Variants in ITGAV observed in about 807,000 individuals in gnomAD.
The protein encoded by ITGAV is integrin subunit alpha V.
In ITGAV, 76 loss-of-function variants were observed where a neutral mutation model predicts 143.8. The observed-to-expected ratio is 0.53, with a 90% CI of 0.44 to 0.64. The LOEUF (loss-of-function observed/expected upper bound fraction) is 0.64, where lower values mean the gene tolerates loss of function less well. Among genes scored for constraint, ITGAV ranks in the 30% least tolerant of loss-of-function variants. ITGAV has a pLI of 0.00. For missense variants in ITGAV, 1,193 were observed against 1,274.7 expected (o/e 0.94, Z 0.98); for synonymous variants, 453 against 446.7 (o/e 1.01, Z -0.18).
At chr2:186,616,521 G>A (rs919124571) in intron 2 of ITGAV, among the ~76,000 whole-genome samples, 4 of 151,592 alleles carry the variant, frequency 2.6e-5, no homozygotes, top group Admixed American at 1.3e-4. Flanking sequence ...CTCGTGATCC[G>A]CCCGCCTCGG....
chr2:186,656,161 G>C (rs1688576654), intron 16 of ITGAV, 86 bp from the exon 17 acceptor site: 4 of 942,678 alleles, frequency 4.2e-6, no homozygotes. Flanking sequence ...AAGGAATAAA[G>C]ATCTCTGTTT....
At chr2:186,662,657 GT>G (rs1486894848) in intron 18 of ITGAV, among the ~76,000 whole-genome samples, 2 of 152,178 alleles carry the variant, frequency 1.3e-5, no homozygotes, top group Non-Finnish European at 2.9e-5. Context: ...GAATTTAGAT[GT>G]GCTAAAAGTA....
chr2:186,601,950 C>T lies in ITGAV; in HGVS notation c.186-71C>T, dbSNP rs377189689. The T allele has an allele frequency of 2.9e-5, 41 of 1,424,306 alleles. No homozygotes were observed. In the East Asian group the frequency reaches 7.8e-4, roughly 27 times the overall value. The allele number at this position is 1,424,306 out of a possible 1,614,324, so 88.2% of individuals were successfully genotyped here. A position where few individuals can be genotyped will look rare whatever the true frequency, so the allele number is the denominator to read the frequency against. On this transcript the variant is annotated intron_variant, in intron 1 of 29. Transcript: ENST00000261023. ...AGATAATATCAAGAGAATGATTGCT[C>T]CTCATAAATCAGAAGATATTGCTTA...
At position 186,663,531 on chromosome 2, in the gene ITGAV, G is replaced by A. The variant is rs559185527; in HGVS notation, c.1858-237G>A. 2.6e-5 allele frequency among the ~76,000 whole-genome samples: 4 copies of A among 152,294 alleles called. No individual in the cohort carries two copies. In the South Asian group the frequency reaches 6.2e-4, roughly 24 times the overall value. ...TAAAACTGAAAGGTTCCAAGGAACT[G>A]TATCATATCCTATGAATCTTTTTCT... On this transcript the variant is annotated intron_variant, in intron 18 of 29. Transcript: ENST00000261023.
At chr2:186,630,735 C>A in intron 4 of ITGAV, 62 bp from the exon 5 acceptor site, 1 of 885,968 alleles carries the variant, frequency 1.1e-6, no homozygotes, top group Non-Finnish European at 1.8e-6. Flanking sequence ...CAGATTTTCT[C>A]ATGTTTTGTT....
At chr2:186,660,226 T>G (rs1463815149) in intron 18 of ITGAV, among the ~76,000 whole-genome samples, 1 of 152,154 alleles carries the variant, frequency 6.6e-6, no homozygotes, top group African/African-American at 2.4e-5. Context: ...AAACTCCCCA[T>G]CCAATTTCTT....
chr2:186,667,661 C>T lies in ITGAV; in HGVS notation c.2328-10C>T, dbSNP rs201780745. On this transcript the variant is annotated splice_polypyrimidine_tract_variant and intron_variant, in intron 23 of 29. Coordinates refer to ENST00000261023, the MANE Select transcript of ITGAV (RefSeq NM_002210.5). ...ATATTCATGGTAGGTTTTCTTTGGT[C>T]ATTGTTTAGAGTCTCGAGTCCTGAT... 2 of 1,512,290 alleles carry T rather than the reference C, an allele frequency of 1.3e-6. No homozygotes were observed. Among genetic ancestry groups the T allele is most frequent in the Non-Finnish European group, 1.8e-6 (2 of 1,092,600 alleles). 93.7% of individuals were successfully genotyped at this position (1,512,290 alleles called of 1,614,324 possible). A position where few individuals can be genotyped will look rare whatever the true frequency, so the allele number is the denominator to read the frequency against.
chr2:186,651,687 T>C (rs991164841), intron 14 of ITGAV, among the ~76,000 whole-genome samples: 2 of 152,152 alleles, frequency 1.3e-5, no homozygotes, highest in African/African-American at 4.8e-5. Context: ...TCACAACTTA[T>C]TTAGCCATTC....
At chr2:186,619,954 T>A (rs1341747912) in intron 2 of ITGAV, among the ~76,000 whole-genome samples, 1 of 151,834 alleles carries the variant, frequency 6.6e-6, no homozygotes, top group African/African-American at 2.4e-5. Context: ...ATCGCGCCAC[T>A]GTACTCCAGC....
In ITGAV at chr2:186,649,891, C is replaced by T; in HGVS notation, c.1397+6C>T. The T allele has an allele frequency of 7.0e-7, 1 of 1,424,404 alleles. No individual in the cohort carries two copies. Among genetic ancestry groups the T allele is most frequent in the South Asian group, 1.5e-5 (1 of 66,606 alleles). 88.2% of individuals were successfully genotyped at this position (1,424,404 alleles called of 1,614,324 possible). A position where few individuals can be genotyped will look rare whatever the true frequency, so the allele number is the denominator to read the frequency against. ...GATCGAGCTATCTTATACAGGTGAG[C>T]ATTTTCTGTATCCTGCGGTATAGGA... On this transcript the variant is annotated splice_donor_region_variant and intron_variant, in intron 14 of 29. Transcript: ENST00000261023.
chr2:186,663,217 C>T (rs757146360), intron 18 of ITGAV, among the ~76,000 whole-genome samples: 1 of 152,078 alleles, frequency 6.6e-6, no homozygotes, highest in African/African-American at 2.4e-5. Flanking sequence ...TCCAAATGAC[C>T]ATGCAATGCT....
chr2:186,655,558 C>T (rs1688558707), intron 16 of ITGAV, among the ~76,000 whole-genome samples: 1 of 152,168 alleles, frequency 6.6e-6, no homozygotes, highest in Non-Finnish European at 1.5e-5. Flanking sequence ...CGGGTATTCA[C>T]CCAAATTTGA....
chr2:186,651,247 CA>C (rs1688420292), intron 14 of ITGAV, among the ~76,000 whole-genome samples: 1 of 152,186 alleles, frequency 6.6e-6, no homozygotes, highest in South Asian at 2.1e-4. Flanking sequence ...TGTAGCTATA[CA>C]ATACTTAACA....
At chr2:186,632,518 A>C (rs146011662) in intron 5 of ITGAV, among the ~76,000 whole-genome samples, 30 of 152,312 alleles carry the variant, frequency 2.0e-4, no homozygotes, top group African/African-American at 7.2e-4. Context: ...CTCCAGCAAG[A>C]AGAGATTTCT....
intron 2 of ITGAV, among the ~76,000 whole-genome samples, chr2:186,612,605 A>G (rs183201243): frequency 6.6e-6 from 1 of 152,236 alleles, no homozygotes; most frequent in African/African-American, 2.4e-5. Flanking sequence ...GCTGTGGAGT[A>G]TTTTCTGGGT....
At chr2:186,644,093 A>G (rs1217066493) in intron 12 of ITGAV, among the ~76,000 whole-genome samples, 1 of 151,868 alleles carries the variant, frequency 6.6e-6, no homozygotes, top group Admixed American at 6.6e-5. Context: ...ACCAATGTGC[A>G]CCTCTGTGCA....
At chr2:186,629,895 C>T (rs1195288476) in intron 4 of ITGAV, among the ~76,000 whole-genome samples, 1 of 152,034 alleles carries the variant, frequency 6.6e-6, no homozygotes, top group African/African-American at 2.4e-5. Context: ...GTTCTAGGTA[C>T]TGTATTGCTC....
At chr2:186,613,970 G>A (rs1239950206) in intron 2 of ITGAV, among the ~76,000 whole-genome samples, 2 of 151,952 alleles carry the variant, frequency 1.3e-5, no homozygotes, top group African/African-American at 2.4e-5. Flanking sequence ...TCCTAGGAAC[G>A]CTAATGCTTA....
chr2:186,595,739 T>C (rs761227992), intron 1 of ITGAV, among the ~76,000 whole-genome samples: 1 of 152,132 alleles, frequency 6.6e-6, no homozygotes, highest in African/African-American at 2.4e-5. Flanking sequence ...TTGGACATAC[T>C]TTTTGGAGGG....
Sources: allele counts gnomAD v4.1 joint callset (sites outside exome capture counted in the v4.1 genomes callset), GRCh38; gene constraint gnomAD v4.1.1; transcripts MANE v1.5; gene names NCBI Gene and HGNC (gene_info 2026-07-23, HGNC 2026-07-21).